DLGAP5: variants seen among roughly 807,000 people sequenced by gnomAD.
The protein encoded by DLGAP5 is disks large-associated protein 5.
DLGAP5 carries 90 observed loss-of-function variants against 99.6 expected under a neutral mutation model. The ratio of observed to expected loss-of-function variants is 0.90; its 90% confidence interval spans 0.76 to 1.08. The LOEUF is 1.08. Ranked by LOEUF, DLGAP5 falls within the 50% of genes least tolerant of loss-of-function variation. The probability of loss-of-function intolerance (pLI) is 0.00; values close to 1 mark genes in which losing one functional copy is unlikely to be tolerated. For missense variants in DLGAP5, 1,036 were observed against 983.5 expected (o/e 1.05, Z -0.71); for synonymous variants, 311 against 321.3 (o/e 0.97, Z 0.34).
At chr14:55,151,523 C>CAAAAAAA (rs55878559) in intron 17 of DLGAP5, among the ~76,000 whole-genome samples, 172 bp downstream of exon 17, 1 of 146,316 alleles carries the variant, frequency 6.8e-6, no homozygotes. Flanking sequence ...GACTCCATCT[C>CAAAAAAA]AAAAAAAAAA....
intron 2 of DLGAP5, among the ~76,000 whole-genome samples, chr14:55,186,920 C>T (rs1010269124): frequency 6.6e-6 from 1 of 152,070 alleles, no homozygotes; most frequent in East Asian, 1.9e-4. Context: ...TTTCCCTTGT[C>T]TTTTTTTTGA....
chr14:55,185,640 C>T (rs1310718900), intron 2 of DLGAP5, among the ~76,000 whole-genome samples: 2 of 152,200 alleles, frequency 1.3e-5, no homozygotes, highest in African/African-American at 2.4e-5. Context: ...TGCGCCACTG[C>T]GCCTGGCTAA....
chr14:55,151,457 G>A (rs1295862508), intron 17 of DLGAP5, among the ~76,000 whole-genome samples: 2 of 152,080 alleles, frequency 1.3e-5, no homozygotes, highest in Non-Finnish European at 2.9e-5. Context: ...CTGGGAGGTG[G>A]AGGTTGCAGT....
intron 13 of DLGAP5, among the ~76,000 whole-genome samples, chr14:55,161,331 T>C (rs777165960): frequency 6.6e-6 from 1 of 151,926 alleles, no homozygotes; most frequent in East Asian, 1.9e-4. Context: ...CACTATTTAG[T>C]AGTTTTGAAA....
intron 2 of DLGAP5, among the ~76,000 whole-genome samples, chr14:55,185,536 G>A (rs1443562427): frequency 2.0e-5 from 3 of 151,226 alleles, no homozygotes; most frequent in Non-Finnish European, 4.4e-5. Context: ...GCCCAGGTTG[G>A]AGTGCAGTGG....
intron 13 of DLGAP5, among the ~76,000 whole-genome samples, chr14:55,161,038 G>C (rs886544208): frequency 6.6e-6 from 1 of 151,948 alleles, no homozygotes; most frequent in African/African-American, 2.4e-5. Flanking sequence ...ATGGAAAAAA[G>C]GGAGGAAAGG....
At chr14:55,171,813 A>G (rs114411034) in intron 10 of DLGAP5, among the ~76,000 whole-genome samples, 92 of 152,362 alleles carry the variant, frequency 6.0e-4, no homozygotes, top group African/African-American at 2.2e-3. Context: ...ACATGCTACA[A>G]TGAATGAACC....
intron 4 of DLGAP5, among the ~76,000 whole-genome samples, 190 bp downstream of exon 4, chr14:55,182,180 C>G (rs912891352): frequency 2.6e-5 from 4 of 152,152 alleles, no homozygotes. Context: ...GGATCTCATA[C>G]GGAATGTTGG....
chr14:55,160,904 T>C (rs76026655), intron 13 of DLGAP5, among the ~76,000 whole-genome samples: 3,086 of 152,236 alleles, frequency 0.02, 82 homozygotes, highest in African/African-American at 0.07. Context: ...CATTTTAGGA[T>C]GCTTGTCAGT....
Position 55,175,403 on chromosome 14 carries a change from G to GA in DLGAP5, c.1243dup (p.Ser415PhefsTer3). 6.3e-7 allele frequency: 1 copy of GA among 1,599,862 alleles called. No homozygotes were observed. ...AATTCGACCTTCATTTCTTTCAAGT[G>GA]ATGGGACTTCTTTTATTGGAAGGCC... On this transcript the variant is annotated frameshift_variant, in exon 10 of 19. Transcript: ENST00000247191. LOFTEE classifies it high-confidence loss of function.
chr14:55,169,910 G>A (rs1311305102), intron 11 of DLGAP5, among the ~76,000 whole-genome samples: 2 of 152,078 alleles, frequency 1.3e-5, no homozygotes, highest in Non-Finnish European at 1.5e-5. Context: ...CAAGGTGGGC[G>A]GCTCACCTGA....
At chr14:55,187,322 T>C (rs1883465589) in intron 2 of DLGAP5, among the ~76,000 whole-genome samples, 1 of 144,680 alleles carries the variant, frequency 6.9e-6, no homozygotes, top group Admixed American at 6.7e-5. Flanking sequence ...GTGATCCTTT[T>C]TTTTTTTTTT....
rs572705098 is a variant in DLGAP5 at position 55,161,095 on chromosome 14, G to A, written c.1653+1876C>T. ...ATGAGGGATTAATAAATAAGAGGTA[G>A]TAGGGAGTGGTATCCAAGTATAGTA... is the stretch of plus-strand genomic sequence containing the variant. On this transcript the variant is annotated intron_variant, in intron 13 of 18. Coordinates refer to ENST00000247191, the MANE Select transcript of DLGAP5 (RefSeq NM_014750.5). 1.1e-4 allele frequency among the ~76,000 whole-genome samples: 16 copies of A among 152,276 alleles called. No homozygotes were observed. The South Asian group carries it at 3.3e-3, about 32-fold the overall frequency.
At chr14:55,152,369 C>G (rs1882048054) in intron 16 of DLGAP5, among the ~76,000 whole-genome samples, 1 of 152,308 alleles carries the variant, frequency 6.6e-6, no homozygotes, top group Non-Finnish European at 1.5e-5. Flanking sequence ...GATTTCTGCT[C>G]TAGTTCACTG....
At chr14:55,167,811 G>A (rs1325737535) in intron 12 of DLGAP5, among the ~76,000 whole-genome samples, 1 of 152,150 alleles carries the variant, frequency 6.6e-6, no homozygotes, top group Non-Finnish European at 1.5e-5. Context: ...GCTGTTGAGA[G>A]ATCAATGCTA....
intron 15 of DLGAP5, among the ~76,000 whole-genome samples, 164 bp from the exon 16 acceptor site, chr14:55,152,811 A>G (rs779644713): frequency 2.0e-5 from 3 of 152,228 alleles, no homozygotes; most frequent in Admixed American, 1.3e-4. Context: ...TTTGGACTAT[A>G]GCTACTGCAG....
chr14:55,158,630 G>T lies in DLGAP5; in HGVS notation c.1765C>A (p.Gln589Lys), dbSNP rs140729390. 1.2e-5 allele frequency: 20 copies of T among 1,613,826 alleles called. No homozygotes were observed. Among genetic ancestry groups the T allele is most frequent in the Non-Finnish European group, 1.6e-5 (19 of 1,179,932 alleles). The change falls in exon 14 of 19, where the codon CAG becomes AAG. Residue 589 changes from glutamine (Q) to lysine (K), a missense_variant. Gln to Lys is a moderately conservative substitution (Grantham distance 53). Coordinates refer to ENST00000247191, the MANE Select transcript of DLGAP5 (RefSeq NM_014750.5). ...ACTGCTGTTTCAGCACATTCTTCCTGCCTAATTCTCTCTCTCATTGCATTT... is the reference window on the plus strand; with the variant it reads ...ACTGCTGTTTCAGCACATTCTTCCTTCCTAATTCTCTCTCTCATTGCATTT... ...IKNAMRERIR[Q>K]EECAETAVSV...
Position 55,148,430 on chromosome 14 carries a change from C to A in DLGAP5, c.2462G>T (p.Arg821Ile), listed in dbSNP as rs771359780. The A allele has an allele frequency of 6.2e-7, 1 of 1,614,180 alleles. No homozygotes were observed. Among genetic ancestry groups the A allele is most frequent in the Non-Finnish European group, 8.5e-7 (1 of 1,180,022 alleles). ...AATGTGTCTGGCATGTTCTTGATGT[C>A]TCCTCTCCAGCTGAGTAAATGGATT... ...CSNPFTQLER[R>I]HQEHARHISF... The change falls in exon 19 of 19, where the codon AGA becomes ATA. Residue 821 changes from arginine to isoleucine, a missense_variant. Coordinates refer to ENST00000247191, the MANE Select transcript of DLGAP5 (RefSeq NM_014750.5).
chr14:55,183,266 C>T (rs1207657721), intron 3 of DLGAP5, among the ~76,000 whole-genome samples: 1 of 152,132 alleles, frequency 6.6e-6, no homozygotes, highest in Non-Finnish European at 1.5e-5. Flanking sequence ...AACGGCACTA[C>T]CCTTATTTAT....
Sources: allele counts gnomAD v4.1 joint callset (sites outside exome capture counted in the v4.1 genomes callset), GRCh38; gene constraint gnomAD v4.1.1; transcripts MANE v1.5; gene names NCBI Gene and HGNC (gene_info 2026-07-23, HGNC 2026-07-21).